The following SLC26A4 variants were observed in gnomAD, a reference collection of about 807,000 sequenced individuals.
The protein encoded by SLC26A4 is solute carrier family 26 member 4.
SLC26A4 carries 93 observed loss-of-function variants against 90.4 expected under a neutral mutation model. That is an observed-to-expected ratio of 1.03 (90% confidence interval 0.87 to 1.22). SLC26A4 has a LOEUF of 1.22. Among genes scored for constraint, SLC26A4 ranks in the 50% most tolerant of loss-of-function variants. SLC26A4 has a pLI of 0.00. For synonymous variants in SLC26A4, 393 were observed against 354.6 expected (o/e 1.11, Z -1.22); for missense variants, 1,127 against 946.2 (o/e 1.19, Z -2.51).
chr7:107,712,540 T>C lies in SLC26A4; in HGVS notation c.2237T>C (p.Ile746Thr). Reference protein sequence around the residue: ...QEGQGSILETITLIQDCKDTL... With the variant: ...QEGQGSILETTTLIQDCKDTL... Reference sequence around the variant, plus strand: ...CTACCCTGTGTTCTCTTTTTCAAGATCACTCTCATTCAGGATTGTAAAGAT... The same window carrying C: ...CTACCCTGTGTTCTCTTTTTCAAGACCACTCTCATTCAGGATTGTAAAGAT... The change falls in exon 20 of 21, where the codon ATC becomes ACC. Residue 746 changes from isoleucine to threonine, a missense_variant and splice_region_variant. Coordinates refer to ENST00000644269, the MANE Select transcript of SLC26A4 (RefSeq NM_000441.2). 2 of 1,521,904 alleles carry C rather than the reference T, an allele frequency of 1.3e-6. No individual in the cohort carries two copies. Among genetic ancestry groups the C allele is most frequent in the South Asian group, 1.1e-5 (1 of 89,104 alleles). The allele number at this position is 1,521,904 out of a possible 1,614,324, so 94.3% of individuals were successfully genotyped here. A position where few individuals can be genotyped will look rare whatever the true frequency, so the allele number is the denominator to read the frequency against.
At chr7:107,689,276 T>C (rs1287149733) in intron 9 of SLC26A4, 76 bp downstream of exon 9, 1 of 1,520,474 alleles carries the variant, frequency 6.6e-7, no homozygotes, top group African/African-American at 1.4e-5. Flanking sequence ...AAGATTTTGG[T>C]GTCAGCTAAA....
rs56017519 is a variant in SLC26A4 at position 107,701,123 on chromosome 7, T to C, written c.1730T>C (p.Val577Ala). Residue 577 changes from valine to alanine, a missense_variant, in exon 16 of 21, where the codon GTA (valine) becomes GCA (alanine). By Grantham distance (64) the Val-to-Ala change is moderately conservative. Transcript: ENST00000644269. ...KSTVGFDAIR[V>A]YNKRLKALRK... ...AAGGTTGGATTTGATGCCATTAGAGTATATAATAAGAGGCTGAAAGCGCTG... is the reference window on the plus strand; with the variant it reads ...AAGGTTGGATTTGATGCCATTAGAGCATATAATAAGAGGCTGAAAGCGCTG... 7 of 1,607,936 alleles carry C rather than the reference T, an allele frequency of 4.4e-6. No homozygotes were observed. Among genetic ancestry groups the C allele is most frequent in the Middle Eastern group, 1.6e-4 (1 of 6,066 alleles).
chr7:107,695,259 C>G (rs1791706994), intron 12 of SLC26A4, among the ~76,000 whole-genome samples: 1 of 151,982 alleles, frequency 6.6e-6, no homozygotes. Flanking sequence ...AATAGAAATG[C>G]TGGGGAAAAG....
In SLC26A4 at chr7:107,661,347, T is replaced by C. The variant is rs1790542823; in HGVS notation, c.-3-292T>C. The C allele has an allele frequency of 5.6e-6, 3 of 531,120 alleles. No homozygotes were observed. The highest frequency in any genetic ancestry group is 6.4e-5 in the Admixed American group (2 of 31,118). The allele number at this position is 531,120 out of a possible 1,614,324, so 32.9% of individuals were successfully genotyped here. On this transcript the variant is annotated intron_variant, in intron 1 of 20. Transcript: ENST00000644269. The surrounding 1 kb of genome is among the most constrained non-coding windows in gnomAD (Gnocchi z 5.1). ...CGGGCCATAGGGGACTGGGTGGAAC[T>C]CGGGAAGCCCCCAGAGCAGGGGCTT...
rs1792345664 is a variant in SLC26A4, at chr7:107,716,330, T to C, written c.*884T>C. 1 of 152,192 alleles carries C rather than the reference T, an allele frequency of 6.6e-6. No individual in the cohort carries two copies. Among genetic ancestry groups the C allele is most frequent in the Non-Finnish European group, 1.5e-5 (1 of 68,018 alleles). 9.4% of individuals were successfully genotyped at this position (152,192 alleles called of 1,614,324 possible). A position where few individuals can be genotyped will look rare whatever the true frequency, so the allele number is the denominator to read the frequency against. ...ATTCTGAGTGAAAATTTTTTTGATG[T>C]GCTTACATAACCATGGTGATTAAAA... is the stretch of plus-strand genomic sequence containing the variant. On this transcript the variant is annotated 3_prime_UTR_variant, in exon 21 of 21. Transcript: ENST00000644269.
intron 6 of SLC26A4, among the ~76,000 whole-genome samples, chr7:107,680,607 A>T (rs998309082): frequency 5.9e-5 from 9 of 151,460 alleles, no homozygotes; most frequent in South Asian, 2.1e-4. Flanking sequence ...ATTCTGAATG[A>T]CTACTCAATA....
At position 107,692,077 on chromosome 7, in the gene SLC26A4, A is replaced by G. The variant is rs749533023; in HGVS notation, c.1263+1840A>G. 5.4e-6 allele frequency: 7 copies of G among 1,289,112 alleles called. No homozygotes were observed. The Admixed American group carries it at 1.1e-4, about 21-fold the overall frequency. The allele number at this position is 1,289,112 out of a possible 1,614,324, so 79.9% of individuals were successfully genotyped here. A position where few individuals can be genotyped will look rare whatever the true frequency, so the allele number is the denominator to read the frequency against. ...AAATGAGGCATGGGCTGGCTGTCCC[A>G]GTAAGTATGCCCATGTAAAGTGACC... On this transcript the variant is annotated intron_variant, in intron 10 of 20. Coordinates refer to ENST00000644269, the MANE Select transcript of SLC26A4 (RefSeq NM_000441.2).
chr7:107,669,365 C>G (rs1476157527), intron 3 of SLC26A4, among the ~76,000 whole-genome samples: 3 of 152,168 alleles, frequency 2.0e-5, no homozygotes, highest in African/African-American at 7.2e-5. Flanking sequence ...ATGGGACACT[C>G]TGTATGAAAA....
At chr7:107,698,289 T>A (rs1791796673) in intron 14 of SLC26A4, among the ~76,000 whole-genome samples, 178 bp downstream of exon 14, 1 of 152,104 alleles carries the variant, frequency 6.6e-6, no homozygotes, top group South Asian at 2.1e-4. Context: ...CCATGGCTTA[T>A]GTGAATTTTG....
chr7:107,683,434 A>G (rs372350037), intron 7 of SLC26A4, 21 bp from the exon 8 acceptor site: 82 of 1,612,736 alleles, frequency 5.1e-5, no homozygotes, highest in Non-Finnish European at 6.6e-5. Context: ...GGAGTTTTTA[A>G]CATCTTTTGT....
intron 3 of SLC26A4, among the ~76,000 whole-genome samples, chr7:107,667,857 TTGAA>T (rs1790760744): frequency 1.3e-5 from 2 of 152,256 alleles, no homozygotes; most frequent in South Asian, 2.1e-4. Context: ...GCAGACGGGT[TTGAA>T]ATTTTGATGA....
At chr7:107,674,856 A>G in intron 5 of SLC26A4, 89 bp from the exon 6 acceptor site, 2 of 1,285,788 alleles carry the variant, frequency 1.6e-6, no homozygotes, top group East Asian at 2.3e-5. Flanking sequence ...TAGTGTTTTC[A>G]TTGGTATTAA....
chr7:107,672,754 A>G (rs1790909456), intron 4 of SLC26A4, among the ~76,000 whole-genome samples: 1 of 152,210 alleles, frequency 6.6e-6, no homozygotes, highest in Non-Finnish European at 1.5e-5. Context: ...GCAAAATCTT[A>G]CCAAAACAAT....
chr7:107,672,376 G>T (rs1790895480), intron 4 of SLC26A4, 128 bp downstream of exon 4: 4 of 181,486 alleles, frequency 2.2e-5, no homozygotes, highest in East Asian at 1.9e-4. Context: ...ACTTTTAATT[G>T]TGAAAACCGC....
chr7:107,697,863 C>T (rs1045281958), intron 13 of SLC26A4, among the ~76,000 whole-genome samples, 179 bp from the exon 14 acceptor site: 10 of 152,170 alleles, frequency 6.6e-5, no homozygotes, highest in South Asian at 4.2e-4. Context: ...CCTCCCCTGC[C>T]GATTCCACAC....
Position 107,710,959 on chromosome 7 carries a change from G to C in SLC26A4, c.2235+760G>C, listed in dbSNP as rs541149442. Among the ~76,000 whole-genome samples, 3 of 152,214 alleles carry C rather than the reference G, an allele frequency of 2.0e-5. No individual in the cohort carries two copies. The South Asian group carries it at 6.2e-4, about 32-fold the overall frequency. On this transcript the variant is annotated intron_variant, in intron 19 of 20. Transcript: ENST00000644269. ...AGTGACATCGTGGATATTTTAAATT[G>C]CTTCCCATTTTTCTAAAAGTAGAAT...
At chr7:107,689,916 A>C (rs906761270) in intron 9 of SLC26A4, among the ~76,000 whole-genome samples, 1 of 152,172 alleles carries the variant, frequency 6.6e-6, no homozygotes, top group African/African-American at 2.4e-5. Context: ...AATTATCGAG[A>C]GCAATGAGAC....
At chr7:107,701,720 T>C in intron 16 of SLC26A4, 107 bp from the exon 17 acceptor site, 1 of 788,710 alleles carries the variant, frequency 1.3e-6, no homozygotes, top group Non-Finnish European at 2.2e-6. Context: ...CTCCTTGATG[T>C]CTTGCTTACC....
intron 3 of SLC26A4, among the ~76,000 whole-genome samples, chr7:107,663,692 T>C (rs1790634240): frequency 6.6e-6 from 1 of 152,196 alleles, no homozygotes; most frequent in Admixed American, 6.5e-5. Context: ...TTTTAAATTT[T>C]ATTTTATTTG....
Sources: allele counts gnomAD v4.1 joint callset (sites outside exome capture counted in the v4.1 genomes callset), GRCh38; gene constraint gnomAD v4.1.1; non-coding constraint Gnocchi (gnomAD v3.1); transcripts MANE v1.5; gene names NCBI Gene and HGNC (gene_info 2026-07-23, HGNC 2026-07-21).